The following CTCFL variants were observed in gnomAD, a reference collection of about 807,000 sequenced individuals.
The protein encoded by CTCFL is transcriptional repressor CTCFL.
In CTCFL, 36 loss-of-function variants were observed where a neutral mutation model predicts 67.4. The ratio of observed to expected loss-of-function variants is 0.53; its 90% CI spans 0.41 to 0.71. CTCFL has a LOEUF of 0.71. Among genes scored for constraint, CTCFL ranks in the 30% least tolerant of loss-of-function variants. The pLI is 0.00. For synonymous variants in CTCFL, 324 were observed against 302.3 expected (o/e 1.07, Z -0.75); for missense variants, 786 against 835.2 (o/e 0.94, Z 0.73).
In CTCFL at chr20:57,523,065, T is replaced by C. The variant is rs1431750173; in HGVS notation, c.754+3A>G. ...GTGTATTCTATGAGATGAACTGGCC[T>C]ACCCTTTGTCTTTCTTTGATTTTTT... is the stretch of plus-strand genomic sequence containing the variant. On this transcript the variant is annotated splice_donor_region_variant and intron_variant, in intron 3 of 10. Transcript: ENST00000243914. 3.1e-6 allele frequency: 5 copies of C among 1,612,368 alleles called. No homozygotes were observed. The highest frequency in any genetic ancestry group is 2.2e-5 in the East Asian group (1 of 44,874).
At chr20:57,518,589 T>G in intron 5 of CTCFL, 169 bp downstream of exon 5, 1 of 1,491,100 alleles carries the variant, frequency 6.7e-7, no homozygotes, top group Non-Finnish European at 9.0e-7. Context: ...AAATCCAATT[T>G]TCTATTTTAA....
chr20:57,519,941 T>C (rs1259825151), intron 3 of CTCFL, among the ~76,000 whole-genome samples: 2 of 152,234 alleles, frequency 1.3e-5, no homozygotes, highest in African/African-American at 4.8e-5. Context: ...TTAGTTCCTC[T>C]GTTGTAAGCC....
At chr20:57,515,979 G>C in intron 5 of CTCFL, 145 bp from the exon 6 acceptor site, 1 of 931,720 alleles carries the variant, frequency 1.1e-6, no homozygotes, top group East Asian at 2.6e-5. Context: ...GAAAAAACAT[G>C]AAAAAGTCAT....
chr20:57,510,252 G>C (rs1473406277), intron 8 of CTCFL, among the ~76,000 whole-genome samples: 1 of 152,134 alleles, frequency 6.6e-6, no homozygotes, highest in African/African-American at 2.4e-5. Context: ...TGTGGCCTCT[G>C]AAGAGCTTTT....
At chr20:57,504,714 T>C (rs2068106492) in intron 9 of CTCFL, among the ~76,000 whole-genome samples, 1 of 151,948 alleles carries the variant, frequency 6.6e-6, no homozygotes, top group Admixed American at 6.6e-5. Context: ...AAATTTGTTC[T>C]AATTTTGTTC....
Position 57,524,187 on chromosome 20 carries a change from A to G in CTCFL, c.19T>C (p.Ser7Pro). 1 of 1,612,968 alleles carries G rather than the reference A, an allele frequency of 6.2e-7. No individual in the cohort carries two copies. Among genetic ancestry groups the G allele is most frequent in the Non-Finnish European group, 8.5e-7 (1 of 1,179,826 alleles). MAATEI[S>P]VLSEQFTKIK... ...TTGGTGAATTGCTCAGAAAGGACAG[A>G]GATCTCAGTGGCTGCCATAATGACT... The change falls in exon 2 of 11, where the codon TCT becomes CCT. Residue 7 changes from serine to proline, a missense_variant. Coordinates refer to ENST00000243914, the MANE Select transcript of CTCFL (RefSeq NM_001386993.1).
chr20:57,503,039 C>A (rs552630375), intron 10 of CTCFL, among the ~76,000 whole-genome samples: 1 of 152,278 alleles, frequency 6.6e-6, no homozygotes, highest in East Asian at 1.9e-4. Context: ...CTAGGTCCCC[C>A]GAGGGAGGGC....
chr20:57,504,887 T>A (rs1173815984), intron 9 of CTCFL, among the ~76,000 whole-genome samples: 2 of 151,978 alleles, frequency 1.3e-5, no homozygotes, highest in African/African-American at 4.8e-5. Context: ...TATCCTGCCC[T>A]TTTAGGGCAA....
Position 57,523,102 on chromosome 20 carries a change from C to T in CTCFL, c.720G>A (p.Lys240=). Residue 240 remains lysine, a synonymous_variant, in exon 3 of 11, where the codon AAG becomes AAA. Coordinates refer to ENST00000243914, the MANE Select transcript of CTCFL (RefSeq NM_001386993.1). ...TTCTTTGATTTTTTGTAGATTTGGC[C>T]TTTTCAGCATCTGCTTGACCAGCTG... ...QPTAGQADAE[K]AKSTKNQRKT... 2 of 1,613,780 alleles carry T rather than the reference C, an allele frequency of 1.2e-6. No homozygotes were observed. The highest frequency in any genetic ancestry group is 2.2e-5 in the South Asian group (2 of 91,062).
rs1369358670 is a variant in CTCFL, at chr20:57,497,719, C to G, written c.*831G>C. The G allele has an allele frequency of 1.4e-5, 14 of 984,848 alleles. No homozygotes were observed. Among genetic ancestry groups the G allele is most frequent in the Non-Finnish European group, 1.6e-5 (13 of 829,648 alleles). 61.0% of individuals were successfully genotyped at this position (984,848 alleles called of 1,614,324 possible). A position where few individuals can be genotyped will look rare whatever the true frequency, so the allele number is the denominator to read the frequency against. Reference sequence around the variant, plus strand: ...GATTTTATGTTTCTTCTCACTCTGCCAATTATTTTACAAATATAAAAAGAG... The same window carrying G: ...GATTTTATGTTTCTTCTCACTCTGCGAATTATTTTACAAATATAAAAAGAG... On this transcript the variant is annotated 3_prime_UTR_variant, in exon 11 of 11. Coordinates refer to ENST00000243914, the MANE Select transcript of CTCFL (RefSeq NM_001386993.1).
At chr20:57,522,144 G>A (rs942009287) in intron 3 of CTCFL, among the ~76,000 whole-genome samples, 2 of 152,170 alleles carry the variant, frequency 1.3e-5, no homozygotes, top group African/African-American at 4.8e-5. Context: ...CCTATGGAAG[G>A]CAGAGGCAAG....
At chr20:57,515,929 A>G (rs1292884803) in intron 5 of CTCFL, 95 bp from the exon 6 acceptor site, 11 of 1,341,946 alleles carry the variant, frequency 8.2e-6, no homozygotes, top group Non-Finnish European at 1.1e-5. Flanking sequence ...TAAATTAATC[A>G]TATTTTAACA....
At chr20:57,500,676 A>C (rs2067866703) in intron 10 of CTCFL, among the ~76,000 whole-genome samples, 1 of 152,194 alleles carries the variant, frequency 6.6e-6, no homozygotes, top group Admixed American at 6.5e-5. Context: ...ATATGAAAAA[A>C]GTTTGTATAT....
At chr20:57,521,124 A>G (rs540089280) in intron 3 of CTCFL, among the ~76,000 whole-genome samples, 1 of 152,322 alleles carries the variant, frequency 6.6e-6, no homozygotes, top group East Asian at 1.9e-4. Flanking sequence ...CAACACCTCA[A>G]TTTCACACTC....
intron 2 of CTCFL, among the ~76,000 whole-genome samples, 190 bp from the exon 3 acceptor site, chr20:57,523,468 CT>C (rs1271572754): frequency 1.3e-5 from 2 of 152,114 alleles, no homozygotes; most frequent in East Asian, 3.8e-4. Context: ...GCGCCTTACA[CT>C]ATTCCAATTA....
At chr20:57,512,556 C>T (rs2146361500) in intron 8 of CTCFL, 36 bp downstream of exon 8, 2 of 1,603,858 alleles carry the variant, frequency 1.2e-6, no homozygotes, top group Non-Finnish European at 8.5e-7. Context: ...TTCTTCCATA[C>T]ACCACTGCCT....
chr20:57,516,196 G>C (rs140384002), intron 5 of CTCFL, among the ~76,000 whole-genome samples: 1 of 144,922 alleles, frequency 6.9e-6, no homozygotes, highest in Non-Finnish European at 1.5e-5. Context: ...CACTGTAAAA[G>C]CACAAAGGCA....
Position 57,508,764 on chromosome 20 carries a change from G to C in CTCFL, c.1516C>G (p.Arg506Gly). The change falls in exon 9 of 11, where the codon CGT becomes GGT. Residue 506 changes from arginine (R) to glycine (G), a missense_variant. Arg to Gly is a moderately radical substitution (Grantham distance 125). Around this residue, in one of 3 missense-constraint regions of CTCFL, gnomAD observed 199 missense variants for 196.7 expected, o/e 1.01. Coordinates refer to ENST00000243914, the MANE Select transcript of CTCFL (RefSeq NM_001386993.1). Reference sequence around the variant, plus strand: ...AATGGTTTCTCTCCAGTGTGGGTACGAATGTGAGCGGTCATATGACGTTCC... The same window carrying C: ...AATGGTTTCTCTCCAGTGTGGGTACCAATGTGAGCGGTCATATGACGTTCC... ...KQERHMTAHI[R>G]THTGEKPFTC... 4.3e-6 allele frequency: 7 copies of C among 1,614,194 alleles called. No homozygotes were observed. Among genetic ancestry groups the C allele is most frequent in the Non-Finnish European group, 5.9e-6 (7 of 1,180,024 alleles).
At chr20:57,521,361 A>C (rs757772715) in intron 3 of CTCFL, among the ~76,000 whole-genome samples, 1 of 152,258 alleles carries the variant, frequency 6.6e-6, no homozygotes, top group Non-Finnish European at 1.5e-5. Context: ...CTACAACGAG[A>C]TACCTCTTCA....
Sources: gnomAD v4.1 joint callset for allele counts (sites outside exome capture counted in the v4.1 genomes callset) on GRCh38, gnomAD v4.1.1 for gene constraint, gnomAD v4.1.1 regional missense constraint, MANE v1.5 for transcripts, NCBI Gene and HGNC (gene_info 2026-07-23, HGNC 2026-07-21) for gene names.